UST: variants seen among roughly 807,000 people sequenced by gnomAD.
UST encodes chondroitin sulfate 2-O-sulfotransferase.
In UST, 21 loss-of-function variants were observed where a neutral mutation model predicts 45.6. The observed-to-expected ratio is 0.46, with a 90% confidence interval of 0.33 to 0.66. UST has a LOEUF of 0.66. Among genes scored for constraint, UST ranks in the 30% least tolerant of loss-of-function variants. UST has a pLI of 0.02. For missense variants in UST, 463 were observed against 512.4 expected (o/e 0.90, Z 0.93); for synonymous variants, 215 against 200.6 (o/e 1.07, Z -0.61).
At chr6:148,994,756 G>C (rs955820670) in intron 5 of UST, among the ~76,000 whole-genome samples, 1 of 151,962 alleles carries the variant, frequency 6.6e-6, no homozygotes, top group East Asian at 1.9e-4. Flanking sequence ...CCCCCCACCA[G>C]GCTCTTTTCC....
intron 6 of UST, among the ~76,000 whole-genome samples, chr6:149,019,534 T>C (rs1465223060): frequency 3.3e-5 from 5 of 152,206 alleles, no homozygotes; most frequent in Non-Finnish European, 7.3e-5. Flanking sequence ...TCCCATGTTG[T>C]TTGTCTTTCT....
chr6:148,775,218 A>G (rs911534741), intron 1 of UST, among the ~76,000 whole-genome samples: 5 of 152,024 alleles, frequency 3.3e-5, no homozygotes, highest in African/African-American at 4.8e-5. Context: ...TTCTCTGCCA[A>G]GTTTTGCAGG....
At chr6:148,948,752 A>G (rs1045621999) in intron 3 of UST, among the ~76,000 whole-genome samples, 3 of 152,194 alleles carry the variant, frequency 2.0e-5, no homozygotes, top group Non-Finnish European at 4.4e-5. Flanking sequence ...TATATTCCAT[A>G]AACCTTCTTT....
chr6:149,002,308 G>T (rs545935172), intron 5 of UST, among the ~76,000 whole-genome samples: 123 of 152,020 alleles, frequency 8.1e-4, no homozygotes, highest in Non-Finnish European at 8.7e-4. Flanking sequence ...TTTAAAAAAC[G>T]CAATGTAAGG....
chr6:148,927,816 G>A lies in UST; in HGVS notation c.292-13463G>A, dbSNP rs1247088827. Among the ~76,000 whole-genome samples the A allele has an allele frequency of 1.3e-4, 20 of 152,196 alleles. 1 individual carries two copies. On this transcript the variant is annotated intron_variant, in intron 2 of 7. Coordinates refer to ENST00000367463, the MANE Select transcript of UST (RefSeq NM_005715.3). ...CTCAGTCAAAGCAGCTCTAGATGGGGCCAAGAAGTTATGCTTCAATAGACA... is the reference window on the plus strand; with the variant it reads ...CTCAGTCAAAGCAGCTCTAGATGGGACCAAGAAGTTATGCTTCAATAGACA...
intron 7 of UST, among the ~76,000 whole-genome samples, chr6:149,052,904 C>T (rs1776508926): frequency 6.6e-6 from 1 of 152,160 alleles, no homozygotes; most frequent in Admixed American, 6.5e-5. Context: ...GTCATGTCAG[C>T]AACTTTGGTT....
chr6:148,791,451 T>A (rs1776846170), intron 1 of UST, among the ~76,000 whole-genome samples: 1 of 152,250 alleles, frequency 6.6e-6, no homozygotes, highest in African/African-American at 2.4e-5. Context: ...TTCTGGAGTT[T>A]ACATGTATTG....
At chr6:148,979,096 G>A (rs143074822) in intron 5 of UST, among the ~76,000 whole-genome samples, 4 of 152,160 alleles carry the variant, frequency 2.6e-5, no homozygotes, top group South Asian at 4.2e-4. Flanking sequence ...TGTAACCTAC[G>A]TGTCCTTTTT....
chr6:148,947,028 G>A (rs1392395958), intron 3 of UST, among the ~76,000 whole-genome samples: 2 of 151,440 alleles, frequency 1.3e-5, no homozygotes, highest in African/African-American at 2.4e-5. Context: ...CATGTTAGAA[G>A]GAGGAATAAG....
At chr6:148,879,949 T>A (rs575780352) in intron 1 of UST, among the ~76,000 whole-genome samples, 1 of 129,750 alleles carries the variant, frequency 7.7e-6, no homozygotes, top group Admixed American at 7.5e-5. Context: ...TTCTTTTTTT[T>A]TTCTTTTTTT....
intron 7 of UST, among the ~76,000 whole-genome samples, chr6:149,071,667 C>A (rs1776820326): frequency 1.3e-5 from 2 of 151,992 alleles, no homozygotes; most frequent in South Asian, 4.2e-4. Flanking sequence ...AGAACACTAT[C>A]AACAGAGTGA....
intron 2 of UST, among the ~76,000 whole-genome samples, chr6:148,927,883 A>C (rs1025371336): frequency 1.3e-5 from 2 of 152,212 alleles, no homozygotes; most frequent in African/African-American, 4.8e-5. Flanking sequence ...AAAAATTCAA[A>C]ATGTACAGAG....
At chr6:149,012,888 A>C (rs1434031407) in intron 5 of UST, among the ~76,000 whole-genome samples, 1 of 152,166 alleles carries the variant, frequency 6.6e-6, no homozygotes, top group African/African-American at 2.4e-5. Flanking sequence ...TGAAATGCTG[A>C]AGGTATAATA....
chr6:148,989,699 A>G (rs1308175365), intron 5 of UST, among the ~76,000 whole-genome samples: 2 of 152,226 alleles, frequency 1.3e-5, no homozygotes, highest in Non-Finnish European at 2.9e-5. Context: ...AAGGGAGCCT[A>G]TAAAACTGAG....
At chr6:148,900,978 C>T (rs1779244431) in intron 2 of UST, among the ~76,000 whole-genome samples, 1 of 152,228 alleles carries the variant, frequency 6.6e-6, no homozygotes, top group African/African-American at 2.4e-5. Context: ...TCTCCTCTCT[C>T]CTTCCTTAAT....
At chr6:148,939,216 G>A (rs910455389) in intron 2 of UST, among the ~76,000 whole-genome samples, 3 of 152,110 alleles carry the variant, frequency 2.0e-5, no homozygotes, top group African/African-American at 7.2e-5. Context: ...TAAATAAATA[G>A]GAAGACATCC....
intron 1 of UST, among the ~76,000 whole-genome samples, chr6:148,844,623 C>T (rs1295366832): frequency 6.6e-6 from 1 of 152,000 alleles, no homozygotes; most frequent in South Asian, 2.1e-4. Context: ...TAATTTATTT[C>T]TTATTTTATT....
intron 1 of UST, among the ~76,000 whole-genome samples, chr6:148,763,621 A>C (rs1776263098): frequency 6.6e-6 from 1 of 152,150 alleles, no homozygotes; most frequent in Non-Finnish European, 1.5e-5. Context: ...TAGGATTCTT[A>C]TAGTTTCAGG....
intron 5 of UST, among the ~76,000 whole-genome samples, chr6:148,998,586 A>G (rs1781492705): frequency 6.6e-6 from 1 of 152,222 alleles, no homozygotes; most frequent in South Asian, 2.1e-4. Context: ...GCATTCATAT[A>G]ATATCACACT....
Sources: allele counts gnomAD v4.1 joint callset (sites outside exome capture counted in the v4.1 genomes callset), GRCh38; gene constraint gnomAD v4.1.1; transcripts MANE v1.5; gene names NCBI Gene and HGNC (gene_info 2026-07-23, HGNC 2026-07-21).